Variants in USP14 observed in about 807,000 individuals in gnomAD.
USP14 encodes the protein ubiquitin specific peptidase 14.
USP14 carries 38 observed loss-of-function variants against 76.5 expected under a neutral mutation model. The observed-to-expected ratio is 0.50, with a 90% CI of 0.38 to 0.65. The LOEUF (loss-of-function observed/expected upper bound fraction) is 0.65, where lower values mean the gene tolerates loss of function less well. Among genes scored for constraint, USP14 ranks in the 30% least tolerant of loss-of-function variants. The pLI, the probability that USP14 is intolerant of heterozygous loss-of-function variation, is 0.00. For synonymous variants in USP14, 192 were observed against 191.7 expected (o/e 1.00, Z -0.01); for missense variants, 467 against 586.5 (o/e 0.80, Z 2.10).
chr18:165,353 C>G (rs1391205956), intron 2 of USP14, among the ~76,000 whole-genome samples: 1 of 152,118 alleles, frequency 6.6e-6, no homozygotes, highest in East Asian at 1.9e-4. Context: ...GACAGGCTAC[C>G]CCCACTGGGC....
At chr18:209,825 A>G (rs2143104861) in intron 13 of USP14, 146 bp from the exon 14 acceptor site, 2 of 596,560 alleles carry the variant, frequency 3.4e-6, no homozygotes, top group Non-Finnish European at 2.9e-6. Context: ...AACTGTGGTT[A>G]TATCATTTTA....
intron 13 of USP14, among the ~76,000 whole-genome samples, chr18:209,020 C>G (rs1910601832): frequency 6.6e-6 from 1 of 152,158 alleles, no homozygotes; most frequent in Non-Finnish European, 1.5e-5. Context: ...TATACCCGGC[C>G]TAAATTATAT....
intron 2 of USP14, among the ~76,000 whole-genome samples, chr18:165,985 C>G (rs1452562867): frequency 6.9e-6 from 1 of 144,276 alleles, no homozygotes; most frequent in African/African-American, 2.5e-5. Flanking sequence ...AAATATTACT[C>G]TGGACTAATC....
At chr18:163,996 A>G (rs1420469869) in intron 2 of USP14, among the ~76,000 whole-genome samples, 1 of 152,174 alleles carries the variant, frequency 6.6e-6, no homozygotes, top group Non-Finnish European at 1.5e-5. Flanking sequence ...CTAGCAGGTA[A>G]TGATCTCCAG....
chr18:214,540 G>T lies in USP14; in HGVS notation c.*3256G>T. 1.8e-6 allele frequency: 2 copies of T among 1,093,286 alleles called. No homozygotes were observed. The highest frequency in any genetic ancestry group is 2.6e-6 in the Non-Finnish European group (2 of 762,280). The allele number at this position is 1,093,286 out of a possible 1,614,324, so 67.7% of individuals were successfully genotyped here. ...AACAATTGTTATAAAAATGTTTATT[G>T]TTTACCAAAACCAGTGGACCTCTTA... On this transcript the variant is annotated 3_prime_UTR_variant, in exon 16 of 16. Transcript: ENST00000261601.
Position 212,926 on chromosome 18 carries a change from C to T in USP14, c.*1642C>T, listed in dbSNP as rs1567838878. On this transcript the variant is annotated 3_prime_UTR_variant, in exon 16 of 16. Coordinates refer to ENST00000261601, the MANE Select transcript of USP14 (RefSeq NM_005151.4). ...GATAACTATTAAAAATAGAAAATAA[C>T]AGCCATTTTACTTTCAAATCTGATG... is the stretch of plus-strand genomic sequence containing the variant. 6.6e-6 allele frequency: 1 copy of T among 152,160 alleles called. No individual in the cohort carries two copies. The highest frequency in any genetic ancestry group is 1.5e-5 in the Non-Finnish European group (1 of 68,022). The allele number at this position is 152,160 out of a possible 1,614,324, so 9.4% of individuals were successfully genotyped here. A position where few individuals can be genotyped will look rare whatever the true frequency, so the allele number is the denominator to read the frequency against.
At chr18:161,541 A>G (rs901849621) in intron 1 of USP14, among the ~76,000 whole-genome samples, 3 of 152,122 alleles carry the variant, frequency 2.0e-5, no homozygotes, top group African/African-American at 4.8e-5. Flanking sequence ...CCTTTGTAAT[A>G]CTTACATAGT....
intron 9 of USP14, among the ~76,000 whole-genome samples, chr18:198,799 A>C (rs1314099380): frequency 6.6e-6 from 1 of 152,144 alleles, no homozygotes; most frequent in African/African-American, 2.4e-5. Flanking sequence ...TTTTAATTTT[A>C]TAAAAGGGTG....
At chr18:158,896 G>C (rs1029809731) in intron 1 of USP14, 182 bp downstream of exon 1, 13 of 1,017,784 alleles carry the variant, frequency 1.3e-5, no homozygotes, top group Non-Finnish European at 1.3e-5. Context: ...GGAGCCCTGC[G>C]TGGCAGGGGA....
In USP14 at chr18:170,214, G is replaced by A. The variant is rs573715980; in HGVS notation, c.195+3395G>A. ...AGCTATTCGGGAGGCTGAGGCAGGA[G>A]AATTGCTTGAGCCTGGGAGATGGAG... On this transcript the variant is annotated intron_variant, in intron 3 of 15. Coordinates refer to ENST00000261601, the MANE Select transcript of USP14 (RefSeq NM_005151.4). Among the ~76,000 whole-genome samples the A allele has an allele frequency of 3.1e-4, 47 of 152,262 alleles. No homozygotes were observed. The South Asian group carries it at 9.3e-3, about 30-fold the overall frequency.
At chr18:199,537 A>G (rs1309890995) in intron 10 of USP14, among the ~76,000 whole-genome samples, 1 of 152,058 alleles carries the variant, frequency 6.6e-6, no homozygotes, top group Non-Finnish European at 1.5e-5. Flanking sequence ...GAATGTTAGA[A>G]CTGTTGTTTT....
At chr18:203,853 C>A (rs911934828) in intron 12 of USP14, among the ~76,000 whole-genome samples, 2 of 152,076 alleles carry the variant, frequency 1.3e-5, no homozygotes, top group African/African-American at 4.8e-5. Context: ...CCGCTTTGGC[C>A]TCCCAAAGAG....
intron 15 of USP14, 80 bp from the exon 16 acceptor site, chr18:211,053 G>T: frequency 6.8e-7 from 1 of 1,460,352 alleles, no homozygotes; most frequent in South Asian, 1.3e-5. Context: ...TGCCTCCGAT[G>T]ACTTGATACT....
intron 5 of USP14, among the ~76,000 whole-genome samples, chr18:188,527 C>CTTTTTTTTTTTTTTTTTTT (rs1909996999): frequency 1.1e-5 from 1 of 93,064 alleles, no homozygotes; most frequent in Non-Finnish European, 2.2e-5. Context: ...TTTTTTTTTC[C>CTTTTTTTTTTTTTTTTTTT]TTTGTGAGGG....
intron 2 of USP14, among the ~76,000 whole-genome samples, chr18:165,236 C>T (rs1325039621): frequency 6.6e-6 from 1 of 152,126 alleles, no homozygotes; most frequent in African/African-American, 2.4e-5. Flanking sequence ...CGTGAGCCAC[C>T]ACACCCGGCC....
chr18:180,316 T>A lies in USP14; in HGVS notation c.381T>A (p.Pro127=). 6.3e-7 allele frequency: 1 copy of A among 1,591,948 alleles called. No individual in the cohort carries two copies. Among genetic ancestry groups the A allele is most frequent in the Non-Finnish European group, 8.5e-7 (1 of 1,174,336 alleles). The change falls in exon 5 of 16, where the codon CCT becomes CCA. Residue 127 remains proline (P), a synonymous_variant. Transcript: ENST00000261601. ...CAGTTCAGTGTATTCGTTCTGTGCCTGAACTCAAAGATGCCCTTAAAAGGT... is the reference window on the plus strand; with the variant it reads ...CAGTTCAGTGTATTCGTTCTGTGCCAGAACTCAAAGATGCCCTTAAAAGGT... The part of the protein sequence containing the change: ...NATVQCIRSV[P]ELKDALKRYA...
intron 5 of USP14, among the ~76,000 whole-genome samples, chr18:182,277 A>G (rs1029083637): frequency 6.6e-6 from 1 of 152,240 alleles, no homozygotes; most frequent in African/African-American, 2.4e-5. Flanking sequence ...GACTAAATTT[A>G]TACAACTGTC....
intron 3 of USP14, among the ~76,000 whole-genome samples, chr18:168,368 ACTTCT>A (rs879575859): frequency 6.6e-6 from 1 of 152,114 alleles, no homozygotes; most frequent in Non-Finnish European, 1.5e-5. Context: ...TGACAATTTT[ACTTCT>A]CCCTTTTCAA....
chr18:175,787 G>T (rs1248966617), intron 3 of USP14, among the ~76,000 whole-genome samples: 1 of 151,698 alleles, frequency 6.6e-6, no homozygotes, highest in Non-Finnish European at 1.5e-5. Flanking sequence ...TTTTATTTCT[G>T]CTCCCACTCC....
Sources: allele counts gnomAD v4.1 joint callset (sites outside exome capture counted in the v4.1 genomes callset), GRCh38; gene constraint gnomAD v4.1.1; transcripts MANE v1.5; gene names NCBI Gene and HGNC (gene_info 2026-07-23, HGNC 2026-07-21).